ZNF609: variants seen among roughly 807,000 people sequenced by gnomAD.
ZNF609 encodes zinc finger protein 609.
In ZNF609, 11 loss-of-function variants were observed where a neutral mutation model predicts 109.5. That is an observed-to-expected ratio of 0.10 (90% confidence interval 0.06 to 0.17). ZNF609 has a LOEUF of 0.17. Among genes scored for constraint, ZNF609 ranks in the 10% least tolerant of loss-of-function variants. The probability of loss-of-function intolerance (pLI) is 1.00; values close to 1 mark genes in which losing one functional copy is unlikely to be tolerated. For synonymous variants in ZNF609, 646 were observed against 662.0 expected (o/e 0.98, Z 0.37); for missense variants, 1,559 against 1,772.4 (o/e 0.88, Z 2.16).
intron 2 of ZNF609, among the ~76,000 whole-genome samples, chr15:64,566,919 A>G (rs561057905): frequency 6.6e-6 from 1 of 152,192 alleles, no homozygotes; most frequent in Non-Finnish European, 1.5e-5. Context: ...GGTGAGGACT[A>G]TTTGATGGCA....
chr15:64,489,323 T>A (rs2140343021), intron 1 of ZNF609, among the ~76,000 whole-genome samples: 1 of 151,576 alleles, frequency 6.6e-6, no homozygotes, highest in Non-Finnish European at 1.5e-5. Context: ...GTAGCTGGGA[T>A]TACAGGCACC....
chr15:64,576,015 T>C (rs1465855944), intron 2 of ZNF609, among the ~76,000 whole-genome samples: 1 of 152,024 alleles, frequency 6.6e-6, no homozygotes, highest in Admixed American at 6.6e-5. Flanking sequence ...GGCAGGAGAA[T>C]GGCACGAACC....
At chr15:64,520,979 T>C (rs943140807) in intron 2 of ZNF609, among the ~76,000 whole-genome samples, 1 of 152,236 alleles carries the variant, frequency 6.6e-6, no homozygotes, top group East Asian at 1.9e-4. Flanking sequence ...ACTGAAGTTA[T>C]TTCTGAAAGT....
At chr15:64,495,839 GAC>G (rs1893475058) in intron 1 of ZNF609, among the ~76,000 whole-genome samples, 1 of 135,602 alleles carries the variant, frequency 7.4e-6, no homozygotes, top group East Asian at 2.1e-4. Flanking sequence ...TTTTTTTTGA[GAC>G]ACAATTTCAT....
rs563157954 is a variant in ZNF609, at chr15:64,523,514, A to C, written c.747+23348A>C. Reference sequence around the variant, plus strand: ...TTATAGGCCGGGCACAGTGGCTCAAATCTGTAATCCCAGCACTTCGGGAGG... The same window carrying C: ...TTATAGGCCGGGCACAGTGGCTCAACTCTGTAATCCCAGCACTTCGGGAGG... On this transcript the variant is annotated intron_variant, in intron 2 of 9. Coordinates refer to ENST00000326648, the MANE Select transcript of ZNF609 (RefSeq NM_015042.2). 2.6e-5 allele frequency among the ~76,000 whole-genome samples: 4 copies of C among 152,164 alleles called. No homozygotes were observed. The South Asian group carries it at 8.3e-4, about 32-fold the overall frequency.
chr15:64,466,706 G>A (rs1326878095), intron 1 of ZNF609, among the ~76,000 whole-genome samples: 2 of 152,158 alleles, frequency 1.3e-5, no homozygotes, highest in African/African-American at 4.8e-5. Flanking sequence ...TTCCTCATAC[G>A]AAGCTATGGC....
intron 4 of ZNF609, among the ~76,000 whole-genome samples, chr15:64,672,878 C>T (rs1377588740): frequency 6.6e-6 from 1 of 150,796 alleles, no homozygotes; most frequent in Non-Finnish European, 1.5e-5. Context: ...GCAGGAGAAC[C>T]ACTTGAACTA....
intron 3 of ZNF609, among the ~76,000 whole-genome samples, chr15:64,623,823 A>G (rs760701112): frequency 2.0e-5 from 3 of 152,188 alleles, no homozygotes; most frequent in Non-Finnish European, 4.4e-5. Flanking sequence ...TGATTTTTGC[A>G]TATTCTTTTT....
chr15:64,568,952 A>T (rs1336169278), intron 2 of ZNF609, among the ~76,000 whole-genome samples: 1 of 152,172 alleles, frequency 6.6e-6, no homozygotes, highest in African/African-American at 2.4e-5. Context: ...TACCTTGCAG[A>T]TATTATCTTA....
At chr15:64,496,506 C>T (rs1239682098) in intron 1 of ZNF609, among the ~76,000 whole-genome samples, 2 of 152,168 alleles carry the variant, frequency 1.3e-5, no homozygotes, top group African/African-American at 4.8e-5. Flanking sequence ...TTTAAGAATT[C>T]TCTATCATGG....
In ZNF609 at chr15:64,460,717, G is replaced by GGAGCCC. The variant is rs1458636449; in HGVS notation, c.-248_-247insAGCCCG. On this transcript the variant is annotated 5_prime_UTR_variant, in exon 1 of 10. Coordinates refer to ENST00000326648, the MANE Select transcript of ZNF609 (RefSeq NM_015042.2). ...CAGAGCCGGAGCCGGAGCCGGAGCC[G>GGAGCCC]GGGTGGGGTGGGGGGGAGGGGCCGC... is the stretch of plus-strand genomic sequence containing the variant. 1.9e-5 allele frequency: 3 copies of GGAGCCC among 157,098 alleles called. No homozygotes were observed. The highest frequency in any genetic ancestry group is 4.1e-5 in the Non-Finnish European group (3 of 73,616). 9.7% of individuals were successfully genotyped at this position (157,098 alleles called of 1,614,324 possible). A position where few individuals can be genotyped will look rare whatever the true frequency, so the allele number is the denominator to read the frequency against.
intron 2 of ZNF609, among the ~76,000 whole-genome samples, chr15:64,557,806 C>A (rs1595717757): frequency 6.6e-6 from 1 of 152,146 alleles, no homozygotes; most frequent in Non-Finnish European, 1.5e-5. Context: ...ACGCCGTTCT[C>A]CTGCCTCAGC....
chr15:64,661,147 A>G (rs1447450565), intron 3 of ZNF609, among the ~76,000 whole-genome samples: 1 of 151,986 alleles, frequency 6.6e-6, no homozygotes, highest in Admixed American at 6.6e-5. Flanking sequence ...TTTTTTGTAG[A>G]GACAGGGTTT....
At position 64,557,583 on chromosome 15, in the gene ZNF609, A is replaced by G. The variant is rs1258077206; in HGVS notation, c.747+57417A>G. ...TTTTATGAAGTCTCATAAATTTGGCATGAATCTTATAATCAGTGAAGAGCT... is the reference window on the plus strand; with the variant it reads ...TTTTATGAAGTCTCATAAATTTGGCGTGAATCTTATAATCAGTGAAGAGCT... On this transcript the variant is annotated intron_variant, in intron 2 of 9. Transcript: ENST00000326648. 2.0e-5 allele frequency among the ~76,000 whole-genome samples: 3 copies of G among 152,202 alleles called. No individual in the cohort carries two copies. In the East Asian group the frequency reaches 5.8e-4, roughly 29 times the overall value.
intron 2 of ZNF609, among the ~76,000 whole-genome samples, chr15:64,519,665 T>C (rs895691145): frequency 1.3e-5 from 2 of 152,224 alleles, no homozygotes; most frequent in African/African-American, 2.4e-5. Flanking sequence ...TTTTAACCAT[T>C]TGCCATATTT....
chr15:64,662,757 C>A (rs1271595582), intron 3 of ZNF609, among the ~76,000 whole-genome samples: 1 of 152,118 alleles, frequency 6.6e-6, no homozygotes, highest in African/African-American at 2.4e-5. Context: ...CCTCTGCCTC[C>A]CAGGCTCACG....
At chr15:64,486,892 G>A (rs76885066) in intron 1 of ZNF609, among the ~76,000 whole-genome samples, 7,856 of 152,168 alleles carry the variant, frequency 0.052, 288 homozygotes, top group African/African-American at 0.098. Context: ...GAGCCACTAC[G>A]CCTGGCCTTT....
At chr15:64,677,328 A>G (rs1356817888) in intron 5 of ZNF609, among the ~76,000 whole-genome samples, 2 of 152,172 alleles carry the variant, frequency 1.3e-5, no homozygotes, top group Non-Finnish European at 2.9e-5. Context: ...CTCCCAAAGC[A>G]CAGGGATTCA....
intron 2 of ZNF609, chr15:64,528,659 C>G: frequency 3.6e-6 from 4 of 1,111,482 alleles, no homozygotes; most frequent in Non-Finnish European, 5.3e-6. Flanking sequence ...GCTGGTGGTC[C>G]AGGGGTCTTA....
Sources: allele counts gnomAD v4.1 joint callset (sites outside exome capture counted in the v4.1 genomes callset), GRCh38; gene constraint gnomAD v4.1.1; transcripts MANE v1.5; gene names NCBI Gene and HGNC (gene_info 2026-07-23, HGNC 2026-07-21).